CCDC85C: variants seen among roughly 807,000 people sequenced by gnomAD.
The protein encoded by CCDC85C is coiled-coil domain-containing protein 85C.
Under a neutral mutation model 38.3 loss-of-function variants are expected in CCDC85C, and 18 were observed. The ratio of observed to expected loss-of-function variants is 0.47; its 90% confidence interval spans 0.33 to 0.70. The LOEUF is 0.70. Ranked by LOEUF, CCDC85C falls within the 30% of genes least tolerant of loss-of-function variation. The probability of loss-of-function intolerance (pLI) is 0.03; values close to 1 mark genes in which losing one functional copy is unlikely to be tolerated. For missense variants in CCDC85C, 566 were observed against 621.2 expected, an observed-to-expected ratio of 0.91 and a Z score of 0.94; for synonymous variants, 264 against 293.8, an observed-to-expected ratio of 0.90 and a Z score of 1.04.
Position 99,507,329 on chromosome 14 carries a change from C to T in CCDC85C, c.*7917G>A, listed in dbSNP as rs1427696341. The T allele has an allele frequency of 1.7e-5, 10 of 603,960 alleles. No individual in the cohort carries two copies. Among genetic ancestry groups the T allele is most frequent in the East Asian group, 1.4e-4 (5 of 35,672 alleles). 37.4% of individuals were successfully genotyped at this position (603,960 alleles called of 1,614,324 possible). ...CAATGGCTTGTGTTTTTGATCCCAG[C>T]ACTTTGGGAGGCGGAGGCAGGAGAA... On this transcript the variant is annotated 3_prime_UTR_variant, in exon 6 of 6. Coordinates refer to ENST00000380243, the MANE Select transcript of CCDC85C (RefSeq NM_001144995.2).
At chr14:99,561,961 C>T (rs1046743334) in intron 1 of CCDC85C, among the ~76,000 whole-genome samples, 1 of 152,202 alleles carries the variant, frequency 6.6e-6, no homozygotes, top group East Asian at 1.9e-4. Flanking sequence ...CCTCCTTCCT[C>T]ATCCCTCTTC....
At position 99,515,219 on chromosome 14, in the gene CCDC85C, C is replaced by T. The variant is rs1446611512; in HGVS notation, c.*27G>A. ...CTCCCCCTGGGGACCCCCAGCAGGG[C>T]CAGTCCACGTCCACAGAAGAGTGGC... is the stretch of plus-strand genomic sequence containing the variant. On this transcript the variant is annotated 3_prime_UTR_variant, in exon 6 of 6. Transcript: ENST00000380243. The T allele has an allele frequency of 2.6e-6, 4 of 1,530,476 alleles. No individual in the cohort carries two copies. The highest frequency in any genetic ancestry group is 2.7e-6 in the Non-Finnish European group (3 of 1,130,284). The allele number at this position is 1,530,476 out of a possible 1,614,324, so 94.8% of individuals were successfully genotyped here. A position where few individuals can be genotyped will look rare whatever the true frequency, so the allele number is the denominator to read the frequency against.
rs1436370131 is a variant in CCDC85C at position 99,572,125 on chromosome 14, C to T, written c.793+31042G>A. ...GAAGGCAGCGGCAAGGGCCAGATTC[C>T]CCACATACCCTCCCAAGCCTGAGGG... On this transcript the variant is annotated intron_variant, in intron 1 of 5. Coordinates refer to ENST00000380243, the MANE Select transcript of CCDC85C (RefSeq NM_001144995.2). This position sits in a 1 kb window ranked among gnomAD's most constrained non-coding sequence, Gnocchi z 4.4. Among the ~76,000 whole-genome samples, 1 of 152,176 alleles carries T rather than the reference C, an allele frequency of 6.6e-6. No homozygotes were observed. The highest frequency in any genetic ancestry group is 1.5e-5 in the Non-Finnish European group (1 of 68,020).
In CCDC85C at chr14:99,509,761, C is replaced by G. The variant is rs563763410; in HGVS notation, c.*5485G>C. Reference sequence around the variant, plus strand: ...GGTTTTCTGCAAAATGCCACTGCTGCAGACAGGAGTTCAGTGTGGCCCTGA... The same window carrying G: ...GGTTTTCTGCAAAATGCCACTGCTGGAGACAGGAGTTCAGTGTGGCCCTGA... On this transcript the variant is annotated 3_prime_UTR_variant, in exon 6 of 6. Coordinates refer to ENST00000380243, the MANE Select transcript of CCDC85C (RefSeq NM_001144995.2). 8.3e-6 allele frequency: 2 copies of G among 240,312 alleles called. No homozygotes were observed. The highest frequency in any genetic ancestry group is 9.9e-5 in the South Asian group (1 of 10,094). The allele number at this position is 240,312 out of a possible 1,614,324, so 14.9% of individuals were successfully genotyped here.
In CCDC85C at chr14:99,501,607, C is replaced by T. The variant is rs1896826798; in HGVS notation, c.*13639G>A. On this transcript the variant is annotated 3_prime_UTR_variant, in exon 6 of 6. Transcript: ENST00000380243. ...GGCAGAGGGTTTCCTTCTGCCCTGC[C>T]GTGTCATGGTGTTGTGAGGTGCTGA... The T allele has an allele frequency of 5.3e-6, 3 of 568,830 alleles. No homozygotes were observed. Among genetic ancestry groups the T allele is most frequent in the East Asian group, 5.8e-5 (2 of 34,214 alleles). The allele number at this position is 568,830 out of a possible 1,614,324, so 35.2% of individuals were successfully genotyped here. A position where few individuals can be genotyped will look rare whatever the true frequency, so the allele number is the denominator to read the frequency against.
chr14:99,573,832 C>G lies in CCDC85C; in HGVS notation c.793+29335G>C, dbSNP rs1471259334. On this transcript the variant is annotated intron_variant, in intron 1 of 5. Coordinates refer to ENST00000380243, the MANE Select transcript of CCDC85C (RefSeq NM_001144995.2). Reference sequence around the variant, plus strand: ...TCCCTCTGCCCCTGCCCTGCAGAAGCCTGGTTAGAGCCCATAGCCTCACTC... The same window carrying G: ...TCCCTCTGCCCCTGCCCTGCAGAAGGCTGGTTAGAGCCCATAGCCTCACTC... Among the ~76,000 whole-genome samples, 3 of 152,182 alleles carry G rather than the reference C, an allele frequency of 2.0e-5. No homozygotes were observed. In the East Asian group the frequency reaches 5.8e-4, roughly 29 times the overall value.
chr14:99,580,695 C>T (rs1431023659), intron 1 of CCDC85C, among the ~76,000 whole-genome samples: 1 of 151,970 alleles, frequency 6.6e-6, no homozygotes, highest in South Asian at 2.1e-4. Context: ...TGAAACCCCA[C>T]CTCTGCTAAA....
rs1319601573 is a variant in CCDC85C at position 99,535,478 on chromosome 14, G to A, written c.867+537C>T. ...CTCCAAGCTCCAGCCACACTCAAGA[G>A]GCACAGCCCCTCACCCAACCCCACC... On this transcript the variant is annotated intron_variant, in intron 2 of 5. Coordinates refer to ENST00000380243, the MANE Select transcript of CCDC85C (RefSeq NM_001144995.2). The surrounding 1 kb of genome is among the most constrained non-coding windows in gnomAD (Gnocchi z 5.5). 6.6e-6 allele frequency among the ~76,000 whole-genome samples: 1 copy of A among 152,126 alleles called. No individual in the cohort carries two copies. Among genetic ancestry groups the A allele is most frequent in the Non-Finnish European group, 1.5e-5 (1 of 68,008 alleles).
At chr14:99,528,972 C>G (rs1329104854) in intron 2 of CCDC85C, among the ~76,000 whole-genome samples, 1 of 151,684 alleles carries the variant, frequency 6.6e-6, no homozygotes, top group Non-Finnish European at 1.5e-5. Context: ...GCATGTCCTG[C>G]ACATGTACCC....
chr14:99,552,802 G>A (rs191269772), intron 1 of CCDC85C, among the ~76,000 whole-genome samples: 9 of 152,228 alleles, frequency 5.9e-5, no homozygotes, highest in Admixed American at 1.3e-4. Flanking sequence ...AGGGGGCCAC[G>A]AGCTTCCGGG....
At chr14:99,561,183 CCCTGGCTTCCTGGGACCCAAGG>C (rs1215060773) in intron 1 of CCDC85C, among the ~76,000 whole-genome samples, 1 of 152,218 alleles carries the variant, frequency 6.6e-6, no homozygotes, top group African/African-American at 2.4e-5. Flanking sequence ...GCCGTAGCGG[CCCTGGCTTCCTGGGACCCAAGG>C]CCAGGAGGAA....
rs994002537 is a variant in CCDC85C at position 99,520,709 on chromosome 14, C to T, written c.975+1424G>A. On this transcript the variant is annotated intron_variant, in intron 3 of 5. Transcript: ENST00000380243. This position sits in a 1 kb window ranked among gnomAD's most constrained non-coding sequence, Gnocchi z 4.1. The stretch of plus-strand genomic sequence containing the variant: ...CACAGCCCCCACGCTGGCCCCTGAC[C>T]TCTAGGCACACACAGGCACCAGGAC... Among the ~76,000 whole-genome samples the T allele has an allele frequency of 1.3e-5, 2 of 152,206 alleles. No homozygotes were observed. The highest frequency in any genetic ancestry group is 2.9e-5 in the Non-Finnish European group (2 of 68,042).
chr14:99,523,218 G>A (rs1897326907), intron 2 of CCDC85C, among the ~76,000 whole-genome samples: 1 of 152,218 alleles, frequency 6.6e-6, no homozygotes, highest in Non-Finnish European at 1.5e-5. Context: ...TGGGGCAGGG[G>A]CAAGGAAGGC....
rs183916272 is a variant in CCDC85C at position 99,568,669 on chromosome 14, G to A, written c.794-32581C>T. ...GGGTGAAACCCTCAAGGAGGATGCC[G>A]CTGGGCCTCGCTCGGGGCAGGAGGG... On this transcript the variant is annotated intron_variant, in intron 1 of 5. Coordinates refer to ENST00000380243, the MANE Select transcript of CCDC85C (RefSeq NM_001144995.2). Among the ~76,000 whole-genome samples the A allele has an allele frequency of 2.7e-3, 406 of 152,320 alleles. 1 individual carries two copies. The highest frequency in any genetic ancestry group is 9.2e-3 in the African/African-American group (384 of 41,584).
chr14:99,583,466 C>G (rs1193734775), intron 1 of CCDC85C, among the ~76,000 whole-genome samples: 1 of 138,846 alleles, frequency 7.2e-6, no homozygotes, highest in African/African-American at 2.7e-5. Context: ...ATCGCATGAT[C>G]GCACTCCAGG....
intron 1 of CCDC85C, among the ~76,000 whole-genome samples, chr14:99,549,784 C>G (rs1269185527): frequency 1.3e-5 from 2 of 152,214 alleles, no homozygotes; most frequent in Admixed American, 6.5e-5. Flanking sequence ...ATCAACAAGC[C>G]TGGCTTAATA....
intron 1 of CCDC85C, among the ~76,000 whole-genome samples, chr14:99,562,021 C>T (rs931332486): frequency 6.6e-6 from 1 of 152,188 alleles, no homozygotes; most frequent in African/African-American, 2.4e-5. Context: ...ACTGGAACAC[C>T]TGCTTCCTTC....
At chr14:99,518,723 G>T (rs1457211510) in intron 3 of CCDC85C, among the ~76,000 whole-genome samples, 1 of 151,972 alleles carries the variant, frequency 6.6e-6, no homozygotes, top group African/African-American at 2.4e-5. Flanking sequence ...TCTGCACCAG[G>T]CCCCTGGGCT....
At chr14:99,551,082 A>G (rs553417067) in intron 1 of CCDC85C, among the ~76,000 whole-genome samples, 7 of 152,386 alleles carry the variant, frequency 4.6e-5, no homozygotes, top group Non-Finnish European at 7.3e-5. Context: ...GAGGTTTTGT[A>G]GAGCATGAAG....
Sources: allele counts gnomAD v4.1 joint callset (sites outside exome capture counted in the v4.1 genomes callset), GRCh38; gene constraint gnomAD v4.1.1; non-coding constraint Gnocchi (gnomAD v3.1); transcripts MANE v1.5; gene names NCBI Gene and HGNC (gene_info 2026-07-23, HGNC 2026-07-21).